The following NRXN2 variants were observed in gnomAD, a reference collection of about 807,000 sequenced individuals.
The protein encoded by NRXN2 is neurexin-2-beta.
Under a neutral mutation model 128.8 loss-of-function variants are expected in NRXN2, and 29 were observed. The ratio of observed to expected loss-of-function variants is 0.23; its 90% confidence interval spans 0.17 to 0.31. The LOEUF is 0.31. Ranked by LOEUF, NRXN2 falls within the 10% of genes least tolerant of loss-of-function variation. NRXN2 has a pLI of 1.00. For missense variants in NRXN2, 1,881 were observed against 2,452.6 expected, an observed-to-expected ratio of 0.77 and a Z score of 4.92; for synonymous variants, 1,098 against 1,075.2, an observed-to-expected ratio of 1.02 and a Z score of -0.41.
chr11:64,642,794 C>CG, intron 17 of NRXN2: 2 of 1,139,182 alleles, frequency 1.8e-6, no homozygotes, highest in Non-Finnish European at 2.2e-6. Flanking sequence ...CCGCTCCCCC[C>CG]GGGGGGCATT....
In NRXN2 at chr11:64,623,716, G is replaced by A. The variant is rs576377677; in HGVS notation, c.3848-638C>T. 1.4e-3 allele frequency: 219 copies of A among 155,156 alleles called. No homozygotes were observed. Among genetic ancestry groups the A allele is most frequent in the Admixed American group, 3.5e-3 (56 of 15,808 alleles). The allele number at this position is 155,156 out of a possible 1,614,324, so 9.6% of individuals were successfully genotyped here. On this transcript the variant is annotated intron_variant, in intron 20 of 22. Coordinates refer to ENST00000265459, the MANE Select transcript of NRXN2 (RefSeq NM_015080.4). This position sits in a 1 kb window ranked among gnomAD's most constrained non-coding sequence, Gnocchi z 4.9. Reference sequence around the variant, plus strand: ...TGGCCAGGATCCCCTCTCTTCTCCCGGACTGCCAAGGCCCAGCACTGCCTG... The same window carrying A: ...TGGCCAGGATCCCCTCTCTTCTCCCAGACTGCCAAGGCCCAGCACTGCCTG...
chr11:64,713,156 G>C lies in NRXN2; in HGVS notation c.544C>G (p.Leu182Val). 1 of 1,453,904 alleles carries C rather than the reference G, an allele frequency of 6.9e-7. No individual in the cohort carries two copies. The highest frequency in any genetic ancestry group is 9.0e-7 in the Non-Finnish European group (1 of 1,105,160). The allele number at this position is 1,453,904 out of a possible 1,614,324, so 90.1% of individuals were successfully genotyped here. The change falls in exon 2 of 23, where the codon CTG (leucine) becomes GTG (valine). Residue 182 changes from leucine to valine, a missense_variant. Around this residue, in one of 7 missense-constraint regions of NRXN2, gnomAD observed 997 missense variants for 1,240.8 expected, o/e 0.80. Transcript: ENST00000265459. Reference sequence around the variant, plus strand: ...GCGGGGGGCCGCTCGCCCAGCTTCAGGTTGGCCAAGAGGCCGCGGAAGGGC... The same window carrying C: ...GCGGGGGGCCGCTCGCCCAGCTTCACGTTGGCCAAGAGGCCGCGGAAGGGC... ...EPPFRGLLANLKLGERPPALL... is the reference protein window; with the variant it reads ...EPPFRGLLANVKLGERPPALL...
At chr11:64,711,058 A>T (rs2056838113) in intron 2 of NRXN2, among the ~76,000 whole-genome samples, 1 of 152,190 alleles carries the variant, frequency 6.6e-6, no homozygotes, top group South Asian at 2.1e-4. Flanking sequence ...GGATGTATTC[A>T]TCGACCACAA....
At chr11:64,628,345 G>T (rs1565221740) in intron 19 of NRXN2, among the ~76,000 whole-genome samples, 1 of 152,166 alleles carries the variant, frequency 6.6e-6, no homozygotes, top group South Asian at 2.1e-4. Context: ...TCCATGGGCT[G>T]TGTCTCTGTG....
At chr11:64,677,974 T>G (rs1592049242) in intron 6 of NRXN2, among the ~76,000 whole-genome samples, 1 of 152,156 alleles carries the variant, frequency 6.6e-6, no homozygotes, top group Middle Eastern at 3.2e-3. Context: ...CAATTTCATT[T>G]GGAGGCAAAA....
At chr11:64,664,716 G>A (rs1377451728) in intron 9 of NRXN2, among the ~76,000 whole-genome samples, 2 of 151,858 alleles carry the variant, frequency 1.3e-5, no homozygotes, top group African/African-American at 4.8e-5. Flanking sequence ...CAGAGGCCGG[G>A]CGCCGTGGCT....
At position 64,615,134 on chromosome 11, in the gene NRXN2, C is replaced by G. The variant is rs552568492; in HGVS notation, c.4252+5160G>C. The stretch of plus-strand genomic sequence containing the variant: ...TGAGCTCCAGGCAACAGAATGTGGG[C>G]AGGAGCCTGCACGCCTCTCCCACGG... On this transcript the variant is annotated intron_variant, in intron 22 of 22. Transcript: ENST00000265459. 3.9e-5 allele frequency among the ~76,000 whole-genome samples: 6 copies of G among 152,352 alleles called. No homozygotes were observed. The East Asian group carries it at 1.2e-3, about 29-fold the overall frequency.
chr11:64,658,294 C>A (rs767114302), intron 11 of NRXN2, among the ~76,000 whole-genome samples: 103 of 152,326 alleles, frequency 6.8e-4, no homozygotes, highest in Non-Finnish European at 1.0e-4. Flanking sequence ...ATACACAAAT[C>A]TGGGCAGACT....
At chr11:64,711,999 T>C (rs1333009318) in intron 2 of NRXN2, among the ~76,000 whole-genome samples, 1 of 152,172 alleles carries the variant, frequency 6.6e-6, no homozygotes, top group African/African-American at 2.4e-5. Flanking sequence ...CCTCATCCCT[T>C]AGTGCTTGTC....
chr11:64,620,790 G>A (rs11231842), intron 21 of NRXN2, among the ~76,000 whole-genome samples: 15,160 of 149,954 alleles, frequency 0.1, 1,128 homozygotes, highest in East Asian at 0.29. Context: ...AGGCCCTGGA[G>A]GGTTTCCTGG....
chr11:64,639,505 G>A (rs1362233205), intron 17 of NRXN2, among the ~76,000 whole-genome samples: 9 of 152,132 alleles, frequency 5.9e-5, no homozygotes, highest in Admixed American at 5.2e-4. Flanking sequence ...ACACGGTGGG[G>A]TGGGAGGAAC....
At chr11:64,609,034 C>T (rs1021175209) in intron 22 of NRXN2, among the ~76,000 whole-genome samples, 2 of 151,974 alleles carry the variant, frequency 1.3e-5, no homozygotes, top group Non-Finnish European at 2.9e-5. Flanking sequence ...GGTGAGGTGG[C>T]CCATGAGGAA....
At chr11:64,634,403 G>A (rs1177911770) in intron 18 of NRXN2, among the ~76,000 whole-genome samples, 2 of 152,210 alleles carry the variant, frequency 1.3e-5, no homozygotes, top group African/African-American at 4.8e-5. Flanking sequence ...AGGGAAGGGT[G>A]TAGGGCAGAG....
At chr11:64,653,872 C>T in intron 11 of NRXN2, 150 bp from the exon 12 acceptor site, 1 of 625,124 alleles carries the variant, frequency 1.6e-6, no homozygotes, top group South Asian at 1.9e-5. Flanking sequence ...CCCAGGTGCC[C>T]TCTTCCCTTC....
At chr11:64,629,713 C>T (rs2043589919) in intron 19 of NRXN2, among the ~76,000 whole-genome samples, 1 of 152,170 alleles carries the variant, frequency 6.6e-6, no homozygotes, top group South Asian at 2.1e-4. Flanking sequence ...CCGGACCTAG[C>T]ACAAGCCCTG....
chr11:64,704,149 A>G (rs937514652), intron 2 of NRXN2, among the ~76,000 whole-genome samples: 1 of 152,172 alleles, frequency 6.6e-6, no homozygotes, highest in African/African-American at 2.4e-5. Flanking sequence ...TAGAGCTGAC[A>G]GAATAACCCA....
chr11:64,635,200 G>T lies in NRXN2; in HGVS notation c.3585+71C>A. The stretch of plus-strand genomic sequence containing the variant: ...GGAAGACTTGAGGTGCTGATCCCAT[G>T]GCAATGAGGGGCTGAACTGATTTGG... On this transcript the variant is annotated intron_variant, in intron 18 of 22. Coordinates refer to ENST00000265459, the MANE Select transcript of NRXN2 (RefSeq NM_015080.4). This position sits in a 1 kb window ranked among gnomAD's most constrained non-coding sequence, Gnocchi z 4.8. 1.3e-6 allele frequency: 2 copies of T among 1,549,484 alleles called. No homozygotes were observed. Among genetic ancestry groups the T allele is most frequent in the Non-Finnish European group, 8.9e-7 (1 of 1,124,404 alleles).
At position 64,667,700 on chromosome 11, in the gene NRXN2, G is replaced by A. The variant is rs755604056; in HGVS notation, c.1360-12C>T. 21 of 1,613,310 alleles carry A rather than the reference G, an allele frequency of 1.3e-5. No individual in the cohort carries two copies. Among genetic ancestry groups the A allele is most frequent in the Non-Finnish European group, 1.7e-5 (20 of 1,179,798 alleles). On this transcript the variant is annotated splice_polypyrimidine_tract_variant and intron_variant, in intron 8 of 22. Transcript: ENST00000265459. The surrounding 1 kb of genome is among the most constrained non-coding windows in gnomAD (Gnocchi z 5.6). ...TTCTTATAGACCACCTGCAGGGAGG[G>A]GTGGGGTCAGGGATAAAGAATCCGA... is the stretch of plus-strand genomic sequence containing the variant.
chr11:64,659,848 T>C (rs1007381234), intron 11 of NRXN2, among the ~76,000 whole-genome samples: 4 of 152,180 alleles, frequency 2.6e-5, no homozygotes, highest in African/African-American at 9.6e-5. Context: ...CTGTTTAGAC[T>C]GAGCAGAGCA....
Sources: allele counts gnomAD v4.1 joint callset (sites outside exome capture counted in the v4.1 genomes callset), GRCh38; gene constraint gnomAD v4.1.1; regional missense constraint gnomAD v4.1.1; non-coding constraint Gnocchi (gnomAD v3.1); transcripts MANE v1.5; gene names NCBI Gene and HGNC (gene_info 2026-07-23, HGNC 2026-07-21).